KCNMA1: variants seen among roughly 807,000 people sequenced by gnomAD.
KCNMA1 encodes potassium calcium-activated channel subfamily M alpha 1.
A neutral mutation model predicts 140.0 loss-of-function variants in KCNMA1; 29 were observed. That is an observed-to-expected ratio of 0.21 (90% CI 0.15 to 0.28). The LOEUF (loss-of-function observed/expected upper bound fraction) is 0.28. Among genes scored for constraint, KCNMA1 ranks in the 10% least tolerant of loss-of-function variants. The pLI, the probability that KCNMA1 is intolerant of heterozygous loss-of-function variation, is 1.00. For missense variants in KCNMA1, 880 were observed against 1,602.2 expected (o/e 0.55, Z 7.70); for synonymous variants, 612 against 611.9 (o/e 1.00, Z 0.00).
chr10:77,432,316 G>C (rs553226671), intron 1 of KCNMA1, among the ~76,000 whole-genome samples: 98 of 152,284 alleles, frequency 6.4e-4, no homozygotes, highest in African/African-American at 2.1e-3. Context: ...GGCTGGGAAG[G>C]CCCTGCTCAC....
chr10:77,499,422 T>TATATATATATATATACAC (rs1390141467), intron 1 of KCNMA1, among the ~76,000 whole-genome samples: 1 of 105,690 alleles, frequency 9.5e-6, no homozygotes, highest in South Asian at 3.1e-4. Context: ...TATATATATA[T>TATATATATATATATACAC]ACACACACAC....
chr10:76,906,801 T>C (rs2048006608), intron 25 of KCNMA1, among the ~76,000 whole-genome samples: 1 of 152,196 alleles, frequency 6.6e-6, no homozygotes, highest in East Asian at 1.9e-4. Context: ...ACATTAAGGT[T>C]GGGGTAGAAT....
intron 1 of KCNMA1, among the ~76,000 whole-genome samples, chr10:77,584,212 C>T (rs1361639189): frequency 2.0e-5 from 3 of 152,194 alleles, no homozygotes; most frequent in Non-Finnish European, 4.4e-5. Flanking sequence ...ACCCAACCAC[C>T]TTAGACGGGG....
intron 20 of KCNMA1, among the ~76,000 whole-genome samples, chr10:76,968,585 C>T (rs2074865136): frequency 6.6e-6 from 1 of 151,962 alleles, no homozygotes; most frequent in South Asian, 2.1e-4. Flanking sequence ...AAGGTGATTA[C>T]CTAAAGGTGA....
At chr10:77,480,281 G>A (rs763753813) in intron 1 of KCNMA1, among the ~76,000 whole-genome samples, 2 of 152,178 alleles carry the variant, frequency 1.3e-5, no homozygotes, top group Non-Finnish European at 2.9e-5. Flanking sequence ...GGCCCTGCCC[G>A]CCTCCCATCT....
At chr10:77,013,430 T>A (rs1004668646) in intron 17 of KCNMA1, among the ~76,000 whole-genome samples, 3 of 149,696 alleles carry the variant, frequency 2.0e-5, no homozygotes, top group Non-Finnish European at 3.0e-5. Flanking sequence ...TCAAAAAAAT[T>A]AAAAAAAAAA....
chr10:76,971,283 G>A (rs2076007503), intron 19 of KCNMA1, among the ~76,000 whole-genome samples: 1 of 152,184 alleles, frequency 6.6e-6, no homozygotes, highest in African/African-American at 2.4e-5. Flanking sequence ...CTTGATATAT[G>A]TTAATGGTGT....
intron 1 of KCNMA1, among the ~76,000 whole-genome samples, chr10:77,418,002 C>A (rs536769684): frequency 2.0e-5 from 3 of 152,184 alleles, no homozygotes; most frequent in African/African-American, 7.2e-5. Flanking sequence ...TGACCTCACC[C>A]CTTGGAAGAA....
chr10:77,359,042 C>A (rs150531835), intron 2 of KCNMA1, among the ~76,000 whole-genome samples: 33 of 152,204 alleles, frequency 2.2e-4, no homozygotes, highest in African/African-American at 7.7e-4. Context: ...AGTTCTTGCT[C>A]CTAAAGGTAA....
chr10:77,040,462 T>C (rs2094604370), intron 14 of KCNMA1, among the ~76,000 whole-genome samples: 2 of 152,144 alleles, frequency 1.3e-5, no homozygotes, highest in South Asian at 2.1e-4. Context: ...CAATTAAAAA[T>C]TATAATGAAA....
intron 14 of KCNMA1, among the ~76,000 whole-genome samples, chr10:77,064,745 C>T (rs994681102): frequency 1.8e-4 from 28 of 152,124 alleles, no homozygotes; most frequent in African/African-American, 6.5e-4. Flanking sequence ...GGGTGAAAAG[C>T]GGGTACACAG....
chr10:77,171,135 C>A (rs769633397), intron 5 of KCNMA1, among the ~76,000 whole-genome samples: 39 of 152,226 alleles, frequency 2.6e-4, no homozygotes, highest in Non-Finnish European at 2.9e-4. Context: ...CCCAGATCAG[C>A]AGCAGCAGCA....
intron 19 of KCNMA1, chr10:76,978,596 C>T (rs1203231926): frequency 6.6e-6 from 1 of 152,176 alleles, no homozygotes; most frequent in African/African-American, 2.4e-5. Context: ...CCAACCCATA[C>T]ATTTAACAAA....
intron 2 of KCNMA1, among the ~76,000 whole-genome samples, chr10:77,263,673 A>C (rs2062613175): frequency 1.3e-5 from 2 of 152,208 alleles, no homozygotes; most frequent in South Asian, 4.1e-4. Flanking sequence ...AATGCCATCT[A>C]AGCCCTATAG....
Position 77,637,240 on chromosome 10 carries a change from G to C in KCNMA1, c.378+25C>G, listed in dbSNP as rs761703320. On this transcript the variant is annotated intron_variant, in intron 1 of 27. Transcript: ENST00000286628. ...GAGAAGCGGTGGGGCTGGCGCAGAG[G>C]GCGGGCGCCCGGGGCGCGCGTTACC... 3 of 1,580,346 alleles carry C rather than the reference G, an allele frequency of 1.9e-6. No homozygotes were observed. The South Asian group carries it at 3.4e-5, about 18-fold the overall frequency.
At chr10:77,342,341 G>A (rs936440295) in intron 2 of KCNMA1, among the ~76,000 whole-genome samples, 8 of 152,126 alleles carry the variant, frequency 5.3e-5, no homozygotes, top group African/African-American at 7.2e-5. Flanking sequence ...TAAATCTGAC[G>A]CCTACCCTGT....
intron 2 of KCNMA1, among the ~76,000 whole-genome samples, chr10:77,275,788 C>A (rs1204267897): frequency 6.6e-6 from 1 of 152,184 alleles, no homozygotes; most frequent in African/African-American, 2.4e-5. Context: ...GAGCACAGGA[C>A]CTGAGAACCA....
intron 14 of KCNMA1, among the ~76,000 whole-genome samples, chr10:77,072,362 C>A (rs992922406): frequency 6.6e-6 from 1 of 152,160 alleles, no homozygotes; most frequent in Non-Finnish European, 1.5e-5. Context: ...AGTGGCTGGG[C>A]GATCAATGCA....
At chr10:77,405,060 G>A (rs2096425235) in intron 1 of KCNMA1, among the ~76,000 whole-genome samples, 2 of 152,126 alleles carry the variant, frequency 1.3e-5, no homozygotes, top group Admixed American at 1.3e-4. Flanking sequence ...ATGTGCTTGA[G>A]GAAACAAGGC....
Sources: gnomAD v4.1 joint callset for allele counts (sites outside exome capture counted in the v4.1 genomes callset) on GRCh38, gnomAD v4.1.1 for gene constraint, MANE v1.5 for transcripts, NCBI Gene and HGNC (gene_info 2026-07-23, HGNC 2026-07-21) for gene names.